ZNF420: variants seen among roughly 807,000 people sequenced by gnomAD.
ZNF420 encodes the protein ATM and p53-associated KZNF protein.
ZNF420 carries 31 observed loss-of-function variants against 44.7 expected under a neutral mutation model. The ratio of observed to expected loss-of-function variants is 0.69; its 90% CI spans 0.52 to 0.94. The LOEUF is 0.94. Among genes scored for constraint, ZNF420 ranks in the 40% least tolerant of loss-of-function variants. The pLI, the probability that ZNF420 is intolerant of heterozygous loss-of-function variation, is 0.00. For synonymous variants in ZNF420, 245 were observed against 267.4 expected (o/e 0.92, Z 0.82); for missense variants, 681 against 827.9 (o/e 0.82, Z 2.18).
chr19:37,105,818 A>G (rs947114681), intron 4 of ZNF420, among the ~76,000 whole-genome samples: 12 of 152,004 alleles, frequency 7.9e-5, no homozygotes, highest in Non-Finnish European at 1.5e-5. Context: ...GAGTTCACTC[A>G]TGATTTGGCT....
At chr19:37,013,878 C>T (rs2074590410) in intron 1 of ZNF420, among the ~76,000 whole-genome samples, 1 of 152,198 alleles carries the variant, frequency 6.6e-6, no homozygotes, top group Non-Finnish European at 1.5e-5. Flanking sequence ...AATGCGACCA[C>T]ACGTGGCACT....
At chr19:37,026,009 TC>T (rs1967151462) in intron 1 of ZNF420, among the ~76,000 whole-genome samples, 1 of 152,054 alleles carries the variant, frequency 6.6e-6, no homozygotes, top group Admixed American at 6.5e-5. Flanking sequence ...TAATTTAACA[TC>T]AATCTTATTA....
intron 4 of ZNF420, among the ~76,000 whole-genome samples, chr19:37,114,249 C>T (rs1415862422): frequency 2.0e-5 from 3 of 152,142 alleles, no homozygotes; most frequent in African/African-American, 4.8e-5. Flanking sequence ...GAGGATATAG[C>T]GCCCTGCCCT....
At chr19:37,110,706 G>A (rs1300104035) in intron 4 of ZNF420, among the ~76,000 whole-genome samples, 2 of 152,158 alleles carry the variant, frequency 1.3e-5, no homozygotes, top group African/African-American at 2.4e-5. Context: ...TGTAATGACT[G>A]CAACCAACTC....
chr19:37,104,693 T>C (rs1969976584), intron 4 of ZNF420, among the ~76,000 whole-genome samples: 1 of 152,196 alleles, frequency 6.6e-6, no homozygotes, highest in South Asian at 2.1e-4. Context: ...TGGTGTGAGA[T>C]GGTATCTCAT....
chr19:37,053,912 C>T (rs1967691356), intron 1 of ZNF420, among the ~76,000 whole-genome samples: 1 of 152,198 alleles, frequency 6.6e-6, no homozygotes, highest in African/African-American at 2.4e-5. Flanking sequence ...TTTAAGTCTG[C>T]AGAGGATTCT....
At chr19:37,090,920 A>C (rs75990299) in intron 3 of ZNF420, 75 bp from the exon 4 acceptor site, 4 of 326,118 alleles carry the variant, frequency 1.2e-5, no homozygotes, top group Non-Finnish European at 1.4e-5. Context: ...ACTCCATCTC[A>C]AAAAAAAAAA....
chr19:37,110,951 A>G (rs1970358342), intron 4 of ZNF420, among the ~76,000 whole-genome samples: 1 of 152,348 alleles, frequency 6.6e-6, no homozygotes. Flanking sequence ...TCTGCCATGC[A>G]CCAGAATTGA....
chr19:37,128,362 T>C lies in ZNF420; in HGVS notation c.1371T>C (p.Ser457=). The C allele has an allele frequency of 6.2e-7, 1 of 1,613,942 alleles. No homozygotes were observed. The highest frequency in any genetic ancestry group is 8.5e-7 in the Non-Finnish European group (1 of 1,179,938). ...YECKECGKTF[S]RGSELTQHER... ...GTAAAGAATGTGGAAAAACCTTTAGTCGTGGCTCAGAACTTACTCAACATG... is the reference window on the plus strand; with the variant it reads ...GTAAAGAATGTGGAAAAACCTTTAGCCGTGGCTCAGAACTTACTCAACATG... The change falls in exon 5 of 5, where the codon AGT becomes AGC. Residue 457 remains serine (S), a synonymous_variant. Coordinates refer to ENST00000337995, the MANE Select transcript of ZNF420 (RefSeq NM_144689.5).
upstream of ZNF420, among the ~76,000 whole-genome samples, chr19:37,075,979 T>C (rs1968140452): frequency 6.8e-6 from 1 of 147,062 alleles, no homozygotes; most frequent in Admixed American, 6.9e-5. Flanking sequence ...TCTCAGTTCC[T>C]GCAGTCTACG....
chr19:37,127,330 A>ATCCCT lies in ZNF420; in HGVS notation c.340_341insCCCTT (p.Tyr114SerfsTer43). ...AATATTTCAGGCAAGGGATGATCAT[A>ATCCCT]TATGACAAAATGTCCATTTTCAACC... On this transcript the variant is annotated frameshift_variant, in exon 5 of 5. Transcript: ENST00000337995. LOFTEE classifies it low-confidence loss of function (END_TRUNC). 1 of 1,611,930 alleles carries ATCCCT rather than the reference A, an allele frequency of 6.2e-7. No homozygotes were observed. The highest frequency in any genetic ancestry group is 8.5e-7 in the Non-Finnish European group (1 of 1,178,474).
intron 1 of ZNF420, among the ~76,000 whole-genome samples, chr19:37,059,323 C>T (rs1967824083): frequency 6.6e-6 from 1 of 152,234 alleles, no homozygotes; most frequent in Non-Finnish European, 1.5e-5. Flanking sequence ...TTTCAAGGGG[C>T]CGCAGCCTGA....
chr19:37,087,932 A>G (rs902696816), intron 2 of ZNF420, among the ~76,000 whole-genome samples: 1 of 152,346 alleles, frequency 6.6e-6, no homozygotes. Context: ...GGCGTGAGCC[A>G]CTGCACCCGG....
chr19:37,031,174 GAGCTTAGAGAAGA>G (rs1967250930), intron 1 of ZNF420, among the ~76,000 whole-genome samples: 1 of 152,270 alleles, frequency 6.6e-6, no homozygotes, highest in East Asian at 1.9e-4. Flanking sequence ...ATTTCAGACT[GAGCTTAGAGAAGA>G]ACCTGAGGAA....
At chr19:37,036,789 A>G (rs1024721633) in intron 1 of ZNF420, among the ~76,000 whole-genome samples, 1 of 152,236 alleles carries the variant, frequency 6.6e-6, no homozygotes, top group Non-Finnish European at 1.5e-5. Flanking sequence ...AAATCAGAAC[A>G]TGAATTCCAG....
At chr19:37,089,258 T>G in intron 3 of ZNF420, 131 bp downstream of exon 3, 1 of 802,702 alleles carries the variant, frequency 1.2e-6, no homozygotes, top group Non-Finnish European at 2.2e-6. Context: ...TTTGTCCCAT[T>G]CTGATAAGTG....
At chr19:37,030,001 A>G (rs975560727) in intron 1 of ZNF420, among the ~76,000 whole-genome samples, 3 of 152,214 alleles carry the variant, frequency 2.0e-5, no homozygotes, top group Non-Finnish European at 2.9e-5. Flanking sequence ...TGAATCCCAT[A>G]TACAGTACAA....
intron 4 of ZNF420, among the ~76,000 whole-genome samples, chr19:37,117,843 C>G: frequency 6.6e-6 from 1 of 152,066 alleles, no homozygotes; most frequent in East Asian, 1.9e-4. Flanking sequence ...CCTCAGGAGC[C>G]GACACGATCA....
chr19:37,090,357 C>A (rs1969062097), intron 3 of ZNF420, among the ~76,000 whole-genome samples: 1 of 151,498 alleles, frequency 6.6e-6, no homozygotes, highest in Admixed American at 6.6e-5. Flanking sequence ...ATTATCAGGG[C>A]ACAGTGGCAT....
Sources: allele counts gnomAD v4.1 joint callset (sites outside exome capture counted in the v4.1 genomes callset), GRCh38; gene constraint gnomAD v4.1.1; transcripts MANE v1.5; gene names NCBI Gene and HGNC (gene_info 2026-07-23, HGNC 2026-07-21).